Variants in CLSTN2 observed in about 807,000 individuals in gnomAD.
CLSTN2 encodes calsyntenin-2.
A neutral mutation model predicts 101.2 loss-of-function variants in CLSTN2; 48 were observed. The observed-to-expected ratio is 0.47, with a 90% CI of 0.38 to 0.60. CLSTN2 has a LOEUF of 0.60. CLSTN2 is among the 20% of genes least tolerant of loss of function. The pLI, the probability that CLSTN2 is intolerant of heterozygous loss-of-function variation, is 0.00. For synonymous variants in CLSTN2, 481 were observed against 463.6 expected, an observed-to-expected ratio of 1.04 and a Z score of -0.48; for missense variants, 1,160 against 1,238.2, an observed-to-expected ratio of 0.94 and a Z score of 0.95.
At chr3:140,339,276 T>C (rs2087470237) in intron 2 of CLSTN2, among the ~76,000 whole-genome samples, 1 of 152,238 alleles carries the variant, frequency 6.6e-6, no homozygotes, top group South Asian at 2.1e-4. Flanking sequence ...ACCAGTGTTC[T>C]GTGTGGAGGG....
intron 1 of CLSTN2, among the ~76,000 whole-genome samples, chr3:140,128,929 G>A (rs1462037130): frequency 6.6e-6 from 1 of 152,124 alleles, no homozygotes; most frequent in Non-Finnish European, 1.5e-5. Context: ...TAACACATGA[G>A]GTCATCAGAG....
At position 140,310,270 on chromosome 3, in the gene CLSTN2, C is replaced by T. The variant is rs569085399; in HGVS notation, c.233-93359C>T. On this transcript the variant is annotated intron_variant, in intron 2 of 16. Transcript: ENST00000458420. ...GTGAGCACCCAAACTGGCCCATAGG[C>T]GCCCCCACCGCACCCCCTCCCCGCC... 4.3e-4 allele frequency among the ~76,000 whole-genome samples: 66 copies of T among 152,158 alleles called. 1 individual carries two copies. In the South Asian group the frequency reaches 0.011, roughly 26 times the overall value.
chr3:140,300,774 G>T (rs532296499), intron 2 of CLSTN2, among the ~76,000 whole-genome samples: 119 of 151,946 alleles, frequency 7.8e-4, no homozygotes, highest in African/African-American at 2.8e-3. Flanking sequence ...GATTAGTCAG[G>T]GTTCTCTAGA....
intron 2 of CLSTN2, among the ~76,000 whole-genome samples, chr3:140,363,832 A>G (rs1439641345): frequency 1.3e-5 from 2 of 152,148 alleles, no homozygotes; most frequent in African/African-American, 2.4e-5. Flanking sequence ...AGGAGGGGGA[A>G]CCTGGGGGCT....
intron 2 of CLSTN2, among the ~76,000 whole-genome samples, chr3:140,279,817 T>C (rs2086828123): frequency 6.6e-6 from 1 of 152,258 alleles, no homozygotes; most frequent in Non-Finnish European, 1.5e-5. Context: ...TTGTCCAAGA[T>C]GATGATCAGG....
intron 8 of CLSTN2, among the ~76,000 whole-genome samples, chr3:140,482,160 CGT>C (rs1934131840): frequency 6.6e-6 from 1 of 151,990 alleles, no homozygotes; most frequent in Non-Finnish European, 1.5e-5. Context: ...CAGCATGAAG[CGT>C]TGTTGAATTT....
intron 1 of CLSTN2, among the ~76,000 whole-genome samples, chr3:140,142,603 TTTC>T (rs1461350396): frequency 6.6e-6 from 1 of 152,232 alleles, no homozygotes; most frequent in African/African-American, 2.4e-5. Context: ...TGTGTTGGTT[TTTC>T]TTCTTATTTT....
intron 5 of CLSTN2, among the ~76,000 whole-genome samples, chr3:140,442,743 C>T (rs1459579787): frequency 6.6e-6 from 1 of 152,100 alleles, no homozygotes; most frequent in Non-Finnish European, 1.5e-5. Flanking sequence ...ATAGTTCACA[C>T]CCTCGCTAAA....
rs114618865 is a variant in CLSTN2 at position 140,199,681 on chromosome 3, A to T, written c.232+23608A>T. Reference sequence around the variant, plus strand: ...CAGATTTTCCACACTTGACTGATACAGCTGGCCTTCCCAGAAATGAGGCCA... The same window carrying T: ...CAGATTTTCCACACTTGACTGATACTGCTGGCCTTCCCAGAAATGAGGCCA... On this transcript the variant is annotated intron_variant, in intron 2 of 16. Coordinates refer to ENST00000458420, the MANE Select transcript of CLSTN2 (RefSeq NM_022131.3). Among the ~76,000 whole-genome samples, 929 of 152,302 alleles carry T rather than the reference A, an allele frequency of 6.1e-3. 7 individuals are homozygous for T. Among genetic ancestry groups the T allele is most frequent in the African/African-American group, 0.019 (802 of 41,578 alleles).
intron 1 of CLSTN2, among the ~76,000 whole-genome samples, chr3:139,948,889 G>C (rs1350552777): frequency 6.6e-6 from 1 of 152,148 alleles, no homozygotes; most frequent in Admixed American, 6.5e-5. Context: ...GAAGCTCTCT[G>C]TAAGCACAGC....
In CLSTN2 at chr3:140,492,998, T is replaced by C. The variant is rs1200538138; in HGVS notation, c.1344+26267T>C. 2.0e-5 allele frequency among the ~76,000 whole-genome samples: 3 copies of C among 152,076 alleles called. No homozygotes were observed. The South Asian group carries it at 6.3e-4, about 32-fold the overall frequency. On this transcript the variant is annotated intron_variant, in intron 8 of 16. Coordinates refer to ENST00000458420, the MANE Select transcript of CLSTN2 (RefSeq NM_022131.3). The stretch of plus-strand genomic sequence containing the variant: ...GGACACTCACCAGCAGTTGGAATTG[T>C]TACAATCAACCATGGAGGTTTTTAT...
rs566559783 is a variant in CLSTN2 at position 140,570,575 on chromosome 3, A to G, written c.*4322A>G. 5.9e-5 allele frequency: 9 copies of G among 152,344 alleles called. No homozygotes were observed. The highest frequency in any genetic ancestry group is 2.2e-4 in the African/African-American group (9 of 41,584). 9.4% of individuals were successfully genotyped at this position (152,344 alleles called of 1,614,324 possible). Reference sequence around the variant, plus strand: ...TCAGCTCTCCTATTGTAGCATGAAAACAGACAATACGTACAACAAATGAAT... The same window carrying G: ...TCAGCTCTCCTATTGTAGCATGAAAGCAGACAATACGTACAACAAATGAAT... On this transcript the variant is annotated 3_prime_UTR_variant, in exon 17 of 17. Transcript: ENST00000458420.
intron 2 of CLSTN2, among the ~76,000 whole-genome samples, chr3:140,284,440 G>A (rs192931786): frequency 5.1e-4 from 77 of 152,156 alleles, no homozygotes; most frequent in African/African-American, 1.3e-3. Flanking sequence ...TCATGGAGTC[G>A]CAAAGAAAAT....
chr3:140,014,522 A>T (rs2007155947), intron 1 of CLSTN2, among the ~76,000 whole-genome samples: 1 of 152,126 alleles, frequency 6.6e-6, no homozygotes, highest in Non-Finnish European at 1.5e-5. Context: ...CCCAGCCAGG[A>T]TGCAATTTTA....
At chr3:140,174,514 T>C (rs962364350) in intron 1 of CLSTN2, among the ~76,000 whole-genome samples, 12 of 152,312 alleles carry the variant, frequency 7.9e-5, no homozygotes, top group African/African-American at 2.9e-4. Context: ...TGCCCCACTC[T>C]ACTGGTACCA....
intron 8 of CLSTN2, among the ~76,000 whole-genome samples, chr3:140,472,549 G>A (rs1339953613): frequency 6.6e-6 from 1 of 152,218 alleles, no homozygotes; most frequent in Non-Finnish European, 1.5e-5. Context: ...TAATCCTGCT[G>A]TTAAAGACTA....
At chr3:140,326,080 T>C (rs946624440) in intron 2 of CLSTN2, among the ~76,000 whole-genome samples, 1 of 152,238 alleles carries the variant, frequency 6.6e-6, no homozygotes, top group Non-Finnish European at 1.5e-5. Context: ...CATACCATTT[T>C]AATGCATTAT....
At position 140,057,006 on chromosome 3, in the gene CLSTN2, A is replaced by G. The variant is rs2008109717; in HGVS notation, c.110-118945A>G. On this transcript the variant is annotated intron_variant, in intron 1 of 16. Coordinates refer to ENST00000458420, the MANE Select transcript of CLSTN2 (RefSeq NM_022131.3). Reference sequence around the variant, plus strand: ...GCCTCATGCCAGAGCCTCCTCCTGCACAGGGATTTCTCACGCCCTCCCCAC... The same window carrying G: ...GCCTCATGCCAGAGCCTCCTCCTGCGCAGGGATTTCTCACGCCCTCCCCAC... Among the ~76,000 whole-genome samples, 4 of 152,306 alleles carry G rather than the reference A, an allele frequency of 2.6e-5. 1 individual carries two copies. In the South Asian group the frequency reaches 8.3e-4, roughly 32 times the overall value.
At chr3:140,192,849 C>T (rs1013581830) in intron 2 of CLSTN2, among the ~76,000 whole-genome samples, 3 of 151,484 alleles carry the variant, frequency 2.0e-5, no homozygotes, top group Admixed American at 1.3e-4. Context: ...TATTTTTTGG[C>T]GGGGTAGGGG....
Sources: allele counts gnomAD v4.1 joint callset (sites outside exome capture counted in the v4.1 genomes callset), GRCh38; gene constraint gnomAD v4.1.1; transcripts MANE v1.5; gene names NCBI Gene and HGNC (gene_info 2026-07-23, HGNC 2026-07-21).